The following ASTN2 variants were observed in gnomAD, a reference collection of about 807,000 sequenced individuals.
ASTN2 encodes astrotactin-2.
A neutral mutation model predicts 139.8 loss-of-function variants in ASTN2; 54 were observed. The observed-to-expected ratio is 0.39, with a 90% CI of 0.31 to 0.48. ASTN2 has a LOEUF of 0.48. Ranked by LOEUF, ASTN2 falls within the 20% of genes least tolerant of loss-of-function variation. ASTN2 has a pLI of 0.95. For missense variants in ASTN2, 1,565 were observed against 1,725.1 expected, an observed-to-expected ratio of 0.91 and a Z score of 1.64; for synonymous variants, 756 against 719.5, an observed-to-expected ratio of 1.05 and a Z score of -0.81.
At chr9:116,644,481 C>T (rs1217172285) in intron 17 of ASTN2, among the ~76,000 whole-genome samples, 1 of 152,138 alleles carries the variant, frequency 6.6e-6, no homozygotes, top group Admixed American at 6.6e-5. Context: ...CCACCCATTT[C>T]CCAGATGAGA....
chr9:116,906,130 G>T (rs1834152662), intron 10 of ASTN2, among the ~76,000 whole-genome samples: 1 of 152,082 alleles, frequency 6.6e-6, no homozygotes, highest in African/African-American at 2.4e-5. Context: ...AGGGAAGGTT[G>T]CAAGGACCCT....
intron 20 of ASTN2, among the ~76,000 whole-genome samples, chr9:116,477,541 T>C (rs911486908): frequency 6.6e-6 from 1 of 151,906 alleles, no homozygotes; most frequent in African/African-American, 2.4e-5. Context: ...ATCCTTGTAC[T>C]TAGGCTGGTG....
At chr9:117,371,941 A>G (rs1389669548) in intron 1 of ASTN2, among the ~76,000 whole-genome samples, 4 of 152,132 alleles carry the variant, frequency 2.6e-5, no homozygotes, top group African/African-American at 9.7e-5. Context: ...TCTGCCTTGC[A>G]TACCTGTCTC....
intron 16 of ASTN2, among the ~76,000 whole-genome samples, chr9:116,663,254 T>G (rs905633189): frequency 6.6e-5 from 10 of 152,244 alleles, no homozygotes; most frequent in African/African-American, 2.4e-4. Flanking sequence ...TGAACATATT[T>G]GAAGCAGGAG....
chr9:116,425,770 C>T lies in ASTN2; in HGVS notation c.*81G>A. The T allele has an allele frequency of 4.4e-6, 7 of 1,606,136 alleles. No individual in the cohort carries two copies. The highest frequency in any genetic ancestry group is 2.2e-5 in the East Asian group (1 of 44,752). ...GCCCATCCTCAGCTGTCCCCCAGCC[C>T]ACCCAGGCCCCAGGATCCAGGAGAA... On this transcript the variant is annotated 3_prime_UTR_variant, in exon 23 of 23. Coordinates refer to ENST00000313400, the MANE Select transcript of ASTN2 (RefSeq NM_001365068.1).
intron 17 of ASTN2, among the ~76,000 whole-genome samples, chr9:116,625,785 C>T (rs13290357): frequency 1.3e-5 from 2 of 152,136 alleles, no homozygotes. Context: ...TGCCTTTGGT[C>T]TGAAGTGCCC....
At chr9:116,491,123 T>C (rs1849506603) in intron 19 of ASTN2, among the ~76,000 whole-genome samples, 1 of 152,220 alleles carries the variant, frequency 6.6e-6, no homozygotes, top group Admixed American at 6.5e-5. Flanking sequence ...ATATGCAGTA[T>C]AACTAGTCAT....
At chr9:116,492,000 T>C (rs770086322) in intron 19 of ASTN2, among the ~76,000 whole-genome samples, 2 of 152,098 alleles carry the variant, frequency 1.3e-5, no homozygotes, top group Admixed American at 6.5e-5. Context: ...CTTAGACAGT[T>C]GCAAACATCA....
chr9:117,152,581 C>CCAGG (rs1222502022), intron 3 of ASTN2, among the ~76,000 whole-genome samples: 3 of 152,236 alleles, frequency 2.0e-5, no homozygotes, highest in African/African-American at 7.2e-5. Context: ...CAAAAGATCA[C>CCAGG]CAGGTCCTGA....
chr9:116,497,711 G>C (rs1849712424), intron 19 of ASTN2, among the ~76,000 whole-genome samples: 1 of 152,048 alleles, frequency 6.6e-6, no homozygotes, highest in African/African-American at 2.4e-5. Flanking sequence ...CTGATTTGGG[G>C]ACCAGGCTGG....
At chr9:117,187,799 T>C (rs1831240858) in intron 3 of ASTN2, among the ~76,000 whole-genome samples, 1 of 131,338 alleles carries the variant, frequency 7.6e-6, no homozygotes, top group South Asian at 2.4e-4. Flanking sequence ...GTCTCAGATA[T>C]TCAGTTAAAC....
chr9:116,785,603 G>A (rs1489239817), intron 13 of ASTN2, among the ~76,000 whole-genome samples: 2 of 152,064 alleles, frequency 1.3e-5, no homozygotes, highest in Non-Finnish European at 2.9e-5. Flanking sequence ...TCCTCCTGTG[G>A]GCTTTCCTGT....
At chr9:116,951,623 A>C (rs1835567101) in intron 10 of ASTN2, among the ~76,000 whole-genome samples, 1 of 152,160 alleles carries the variant, frequency 6.6e-6, no homozygotes, top group Non-Finnish European at 1.5e-5. Flanking sequence ...GCCACACTCT[A>C]GAGATGAGTA....
chr9:116,839,859 CATTATTATT>C (rs749979493), intron 11 of ASTN2, among the ~76,000 whole-genome samples: 2 of 125,948 alleles, frequency 1.6e-5, no homozygotes, highest in African/African-American at 3.2e-5. Flanking sequence ...TATTTTATTT[CATTATTATT>C]ATTATTATTA....
intron 1 of ASTN2, among the ~76,000 whole-genome samples, chr9:117,405,115 G>T (rs1588018184): frequency 6.6e-6 from 1 of 152,200 alleles, no homozygotes; most frequent in East Asian, 1.9e-4. Flanking sequence ...AGTCCCTTGG[G>T]CCTGTGAGGC....
chr9:116,725,946 G>A lies in ASTN2; in HGVS notation c.2631C>T (p.Phe877=). ...KLSTITLAAG[F]TNVLKILTKE... ...TGGTCAGGATCTTGAGAACATTAGT[G>A]AAGCCTGGACAAGAGAGGAGCATGT... is the stretch of plus-strand genomic sequence containing the variant. The change falls in exon 16 of 23, where the codon TTC becomes TTT. Residue 877 remains phenylalanine, a synonymous_variant. Transcript: ENST00000313400. 1 of 1,612,036 alleles carries A rather than the reference G, an allele frequency of 6.2e-7. No individual in the cohort carries two copies. The highest frequency in any genetic ancestry group is 8.5e-7 in the Non-Finnish European group (1 of 1,179,380).
At chr9:117,157,354 A>G (rs898776834) in intron 3 of ASTN2, among the ~76,000 whole-genome samples, 1 of 152,030 alleles carries the variant, frequency 6.6e-6, no homozygotes, top group Non-Finnish European at 1.5e-5. Context: ...GTGGAAGCCA[A>G]TCATCCAGGT....
chr9:116,565,489 G>A (rs1315732547), intron 19 of ASTN2, among the ~76,000 whole-genome samples: 1 of 147,044 alleles, frequency 6.8e-6, no homozygotes, highest in Non-Finnish European at 1.5e-5. Flanking sequence ...GTGCAGTAGT[G>A]TGATATCGGC....
At chr9:116,520,126 G>T (rs1850805982) in intron 19 of ASTN2, among the ~76,000 whole-genome samples, 1 of 152,004 alleles carries the variant, frequency 6.6e-6, no homozygotes, top group South Asian at 2.1e-4. Flanking sequence ...AAAAGATAAA[G>T]AGGGAATCCT....
Sources: allele counts gnomAD v4.1 joint callset (sites outside exome capture counted in the v4.1 genomes callset), GRCh38; gene constraint gnomAD v4.1.1; transcripts MANE v1.5; gene names NCBI Gene and HGNC (gene_info 2026-07-23, HGNC 2026-07-21).